PRKCB: variants seen among roughly 807,000 people sequenced by gnomAD.
PRKCB encodes the protein protein kinase C beta.
PRKCB carries 13 observed loss-of-function variants against 81.5 expected under a neutral mutation model. The ratio of observed to expected loss-of-function variants is 0.16; its 90% CI spans 0.10 to 0.25. The LOEUF is 0.25. Among genes scored for constraint, PRKCB ranks in the 10% least tolerant of loss-of-function variants. The pLI, the probability that PRKCB is intolerant of heterozygous loss-of-function variation, is 1.00. For synonymous variants in PRKCB, 335 were observed against 321.4 expected, an observed-to-expected ratio of 1.04 and a Z score of -0.45; for missense variants, 509 against 875.7, an observed-to-expected ratio of 0.58 and a Z score of 5.29.
chr16:24,077,906 A>G (rs1330924338), intron 5 of PRKCB, among the ~76,000 whole-genome samples: 3 of 152,200 alleles, frequency 2.0e-5, no homozygotes, highest in Admixed American at 6.5e-5. Context: ...CAAAGCAGGG[A>G]GCCTATTGAA....
intron 2 of PRKCB, among the ~76,000 whole-genome samples, chr16:23,977,595 CAT>C (rs1567332121): frequency 6.6e-6 from 1 of 152,202 alleles, no homozygotes; most frequent in Non-Finnish European, 1.5e-5. Context: ...TAGCCTCACA[CAT>C]GTGGTCGCGC....
chr16:24,076,183 G>A (rs904046215), intron 5 of PRKCB, among the ~76,000 whole-genome samples: 2 of 152,218 alleles, frequency 1.3e-5, no homozygotes, highest in Admixed American at 1.3e-4. Context: ...CTCAGTCATG[G>A]TGTGAGGGAA....
chr16:23,976,943 T>G (rs374612138), intron 2 of PRKCB, among the ~76,000 whole-genome samples: 1 of 152,246 alleles, frequency 6.6e-6, no homozygotes, highest in South Asian at 2.1e-4. Flanking sequence ...TTTCCTCATG[T>G]TGGCTCAACT....
intron 2 of PRKCB, among the ~76,000 whole-genome samples, chr16:23,849,551 G>A (rs1962436994): frequency 6.6e-6 from 1 of 152,108 alleles, no homozygotes; most frequent in South Asian, 2.1e-4. Context: ...GATACATTTT[G>A]TGGCAAAATT....
chr16:23,964,674 G>GTT lies in PRKCB; in HGVS notation c.206-23819_206-23818dup, dbSNP rs71381628. 1.4e-3 allele frequency among the ~76,000 whole-genome samples: 192 copies of GTT among 138,846 alleles called. 1 individual carries two copies. The highest frequency in any genetic ancestry group is 3.0e-3 in the South Asian group (13 of 4,280). 91.1% of individuals were successfully genotyped at this position (138,846 alleles called of 152,430 possible). On this transcript the variant is annotated intron_variant, in intron 2 of 16. Coordinates refer to ENST00000643927, the MANE Select transcript of PRKCB (RefSeq NM_002738.7). ...TTCCAGGGGGCAAACACCTCATGAG[G>GTT]TTTTTTTTTTTTTTTTGGCAGTCTT...
At chr16:24,092,571 A>G in intron 5 of PRKCB, among the ~76,000 whole-genome samples, 1 of 152,220 alleles carries the variant, frequency 6.6e-6, no homozygotes, top group South Asian at 2.1e-4. Context: ...AGAGCAGTGT[A>G]AAAGTCAGAA....
chr16:23,850,281 T>C (rs966144336), intron 2 of PRKCB, among the ~76,000 whole-genome samples: 1 of 152,188 alleles, frequency 6.6e-6, no homozygotes, highest in Non-Finnish European at 1.5e-5. Flanking sequence ...GCAACAAACA[T>C]GGGAATGCAC....
chr16:23,902,788 C>T (rs868391187), intron 2 of PRKCB, among the ~76,000 whole-genome samples: 480 of 27,164 alleles, frequency 0.018, 18 homozygotes, highest in African/African-American at 0.066. Flanking sequence ...CTTCCTCCCT[C>T]CCTCCCTCCC....
chr16:24,024,932 A>C (rs545018785), intron 3 of PRKCB, among the ~76,000 whole-genome samples: 1 of 152,292 alleles, frequency 6.6e-6, no homozygotes, highest in South Asian at 2.1e-4. Flanking sequence ...GGTAGCAGGA[A>C]GGAGGAGGGA....
Position 24,172,322 on chromosome 16 carries a change from A to G in PRKCB, c.1292A>G (p.His431Arg). ...EYVNGGDLMY[H>R]IQQVGRFKEP... ...GTGAATGGGGGCGACCTCATGTATC[A>G]CATCCAGCAAGTCGGCCGGTTCAAG... Residue 431 changes from histidine (H) to arginine (R), a missense_variant, in exon 11 of 17, where the codon CAC becomes CGC. By Grantham distance (29) the His-to-Arg change is conservative. Around this residue, in one of 6 missense-constraint regions of PRKCB, gnomAD observed 106 missense variants for 214.0 expected, o/e 0.50. Transcript: ENST00000643927. 1.2e-6 allele frequency: 2 copies of G among 1,614,028 alleles called. No individual in the cohort carries two copies. Among genetic ancestry groups the G allele is most frequent in the Non-Finnish European group, 1.7e-6 (2 of 1,179,960 alleles).
Position 24,047,847 on chromosome 16 carries a change from C to A in PRKCB, c.529+12300C>A, listed in dbSNP as rs192766040. On this transcript the variant is annotated intron_variant, in intron 5 of 16. Coordinates refer to ENST00000643927, the MANE Select transcript of PRKCB (RefSeq NM_002738.7). Reference sequence around the variant, plus strand: ...AGACCTGCTTTTCATTTGCCTGTTGCCCCAGCACTGTGGGGTCAGAATCTT... The same window carrying A: ...AGACCTGCTTTTCATTTGCCTGTTGACCCAGCACTGTGGGGTCAGAATCTT... Among the ~76,000 whole-genome samples the A allele has an allele frequency of 2.9e-4, 44 of 152,260 alleles. No homozygotes were observed. In the East Asian group the frequency reaches 7.9e-3, roughly 27 times the overall value.
intron 2 of PRKCB, among the ~76,000 whole-genome samples, chr16:23,945,257 T>C (rs1023635778): frequency 6.6e-6 from 1 of 152,148 alleles, no homozygotes; most frequent in Non-Finnish European, 1.5e-5. Flanking sequence ...CAATTCCTGC[T>C]ATGTGTGGTG....
chr16:23,839,172 A>G (rs138148000), intron 2 of PRKCB, among the ~76,000 whole-genome samples: 16 of 152,188 alleles, frequency 1.1e-4, no homozygotes, highest in African/African-American at 3.4e-4. Flanking sequence ...GAAATAGGAG[A>G]TCCTTTAACT....
intron 15 of PRKCB, among the ~76,000 whole-genome samples, chr16:24,187,102 T>C (rs966831035): frequency 6.6e-6 from 1 of 152,186 alleles, no homozygotes; most frequent in Non-Finnish European, 1.5e-5. Context: ...TACCTGGAGC[T>C]TTTAGTTTGT....
intron 2 of PRKCB, among the ~76,000 whole-genome samples, chr16:23,938,538 C>G (rs1964093217): frequency 6.6e-6 from 1 of 152,130 alleles, no homozygotes; most frequent in Non-Finnish European, 1.5e-5. Flanking sequence ...GAATGAGTAG[C>G]TATATGGTGT....
At chr16:24,079,424 A>G (rs1221263407) in intron 5 of PRKCB, among the ~76,000 whole-genome samples, 1 of 152,220 alleles carries the variant, frequency 6.6e-6, no homozygotes, top group East Asian at 1.9e-4. Flanking sequence ...TTAGGTGCAC[A>G]AGACCAGCCC....
intron 2 of PRKCB, among the ~76,000 whole-genome samples, chr16:23,941,704 G>A (rs1255101236): frequency 1.3e-5 from 2 of 152,092 alleles, no homozygotes; most frequent in African/African-American, 2.4e-5. Context: ...TGTTCTTGGT[G>A]AAAATTCTTG....
At chr16:23,901,608 G>A (rs1008914047) in intron 2 of PRKCB, among the ~76,000 whole-genome samples, 4 of 152,176 alleles carry the variant, frequency 2.6e-5, no homozygotes, top group Non-Finnish European at 5.9e-5. Flanking sequence ...ATGTCAAGTA[G>A]GAATGAAATG....
At chr16:23,892,449 C>T (rs1479265907) in intron 2 of PRKCB, among the ~76,000 whole-genome samples, 2 of 152,048 alleles carry the variant, frequency 1.3e-5, no homozygotes, top group African/African-American at 2.4e-5. Flanking sequence ...TTTGCAAAAC[C>T]CCAGAGCTTT....
Sources: gnomAD v4.1 joint callset for allele counts (sites outside exome capture counted in the v4.1 genomes callset) on GRCh38, gnomAD v4.1.1 for gene constraint, gnomAD v4.1.1 regional missense constraint, MANE v1.5 for transcripts, NCBI Gene and HGNC (gene_info 2026-07-23, HGNC 2026-07-21) for gene names.